BBOX1: variants seen among roughly 807,000 people sequenced by gnomAD.
The protein encoded by BBOX1 is gamma-butyrobetaine dioxygenase.
Under a neutral mutation model 41.6 loss-of-function variants are expected in BBOX1, and 35 were observed. That is an observed-to-expected ratio of 0.84 (90% CI 0.64 to 1.11). The LOEUF (loss-of-function observed/expected upper bound fraction) is 1.11, where lower values mean the gene tolerates loss of function less well. Among genes scored for constraint, BBOX1 ranks in the 50% most tolerant of loss-of-function variants. The probability of loss-of-function intolerance (pLI) is 0.00; values close to 1 mark genes in which losing one functional copy is unlikely to be tolerated. For missense variants in BBOX1, 458 were observed against 460.6 expected, an observed-to-expected ratio of 0.99 and a Z score of 0.05; for synonymous variants, 163 against 154.7, an observed-to-expected ratio of 1.05 and a Z score of -0.40.
In BBOX1 at chr11:27,119,680, T is replaced by A; in HGVS notation, c.671T>A (p.Val224Asp). 1 of 1,557,248 alleles carries A rather than the reference T, an allele frequency of 6.4e-7. No individual in the cohort carries two copies. ...CTTCTTCACTGCATAAAGCAAACAG[T>A]CACAGGGGGTGATTCAGAAATTGTA... is the stretch of plus-strand genomic sequence containing the variant. Reference protein sequence around the residue: ...VQLLHCIKQTVTGGDSEIVDG... With the variant: ...VQLLHCIKQTDTGGDSEIVDG... The change falls in exon 7 of 9, where the codon GTC becomes GAC. Residue 224 changes from valine to aspartate, a missense_variant. Physicochemically the swap from Val to Asp is radical, Grantham distance 152. Coordinates refer to ENST00000263182, the MANE Select transcript of BBOX1 (RefSeq NM_003986.3).
chr11:27,075,325 T>G (rs1232195836), intron 4 of BBOX1, among the ~76,000 whole-genome samples: 1 of 152,158 alleles, frequency 6.6e-6, no homozygotes, highest in Non-Finnish European at 1.5e-5. Flanking sequence ...TCACTGTCTC[T>G]TATGAGGTTG....
At chr11:27,063,144 G>A (rs994471421) in intron 4 of BBOX1, 1 of 152,160 alleles carries the variant, frequency 6.6e-6, no homozygotes, top group African/African-American at 2.4e-5. Context: ...TATATGACCT[G>A]TAGGACAGCA....
At chr11:27,070,701 G>A (rs1294571308) in intron 4 of BBOX1, among the ~76,000 whole-genome samples, 2 of 104,074 alleles carry the variant, frequency 1.9e-5, no homozygotes, top group Non-Finnish European at 3.7e-5. Context: ...TTTGGTTTGT[G>A]ATTGATTTTT....
At chr11:27,117,551 C>G (rs949964654) in intron 6 of BBOX1, among the ~76,000 whole-genome samples, 1 of 151,908 alleles carries the variant, frequency 6.6e-6, no homozygotes, top group Non-Finnish European at 1.5e-5. Flanking sequence ...CAGCTCAGCT[C>G]TTCTTCCAAA....
chr11:27,079,058 A>C (rs1857739334), intron 4 of BBOX1, among the ~76,000 whole-genome samples: 1 of 152,170 alleles, frequency 6.6e-6, no homozygotes, highest in South Asian at 2.1e-4. Flanking sequence ...ACATTTGCGA[A>C]AAAGACAGGA....
chr11:27,102,217 T>C (rs1322083009), intron 5 of BBOX1, among the ~76,000 whole-genome samples: 2 of 152,060 alleles, frequency 1.3e-5, no homozygotes, highest in Non-Finnish European at 2.9e-5. Flanking sequence ...GATAATACTC[T>C]AAACCAGGAA....
At chr11:27,110,000 T>C (rs1020681580) in intron 5 of BBOX1, among the ~76,000 whole-genome samples, 11 of 152,052 alleles carry the variant, frequency 7.2e-5, no homozygotes, top group Non-Finnish European at 1.5e-4. Flanking sequence ...AATAAATTTT[T>C]ATATAGTGAA....
chr11:27,101,543 C>G (rs11029837), intron 5 of BBOX1, among the ~76,000 whole-genome samples: 24,006 of 151,854 alleles, frequency 0.16, 2,226 homozygotes, highest in Middle Eastern at 0.24. Flanking sequence ...TATAATGAAG[C>G]CTTTGGGGCT....
intron 4 of BBOX1, among the ~76,000 whole-genome samples, chr11:27,082,573 A>C (rs1250820920): frequency 1.3e-5 from 2 of 152,168 alleles, no homozygotes; most frequent in Non-Finnish European, 2.9e-5. Flanking sequence ...ATTGTGTGGG[A>C]ATCCTAAATC....
intron 4 of BBOX1, among the ~76,000 whole-genome samples, chr11:27,067,253 G>A (rs1299564429): frequency 6.6e-6 from 1 of 151,944 alleles, no homozygotes; most frequent in African/African-American, 2.4e-5. Flanking sequence ...ATAGCTTTTG[G>A]AGAGTGTTTT....
At chr11:27,051,218 A>G (rs1207825488) in intron 2 of BBOX1, among the ~76,000 whole-genome samples, 1 of 151,944 alleles carries the variant, frequency 6.6e-6, no homozygotes, top group African/African-American at 2.4e-5. Context: ...TTAATGTGCT[A>G]TTGAATTCAT....
At chr11:27,047,062 G>T (rs969139690) in intron 2 of BBOX1, 3 of 152,136 alleles carry the variant, frequency 2.0e-5, no homozygotes, top group Non-Finnish European at 4.4e-5. Context: ...GAAAGGGATT[G>T]TGAAGAGAAG....
At chr11:27,095,382 T>C (rs547556271) in intron 5 of BBOX1, among the ~76,000 whole-genome samples, 2 of 152,064 alleles carry the variant, frequency 1.3e-5, no homozygotes, top group South Asian at 4.1e-4. Flanking sequence ...ACGTGTGTTG[T>C]TTTGTTTTTG....
intron 2 of BBOX1, chr11:27,047,118 T>C (rs988655425): frequency 2.0e-5 from 3 of 152,194 alleles, no homozygotes; most frequent in African/African-American, 7.2e-5. Flanking sequence ...TAATTTAACA[T>C]CAGCAACACC....
intron 4 of BBOX1, among the ~76,000 whole-genome samples, chr11:27,077,686 A>C (rs1439752469): frequency 2.6e-5 from 4 of 151,518 alleles, no homozygotes; most frequent in Non-Finnish European, 5.9e-5. Flanking sequence ...TTCTTGAAAA[A>C]TGTAGAATAT....
chr11:27,117,428 C>A (rs779216914), intron 6 of BBOX1, among the ~76,000 whole-genome samples: 15 of 151,830 alleles, frequency 9.9e-5, no homozygotes, highest in Non-Finnish European at 1.9e-4. Context: ...AGTAAAATGA[C>A]CCCTGTAGAC....
intron 4 of BBOX1, among the ~76,000 whole-genome samples, chr11:27,087,075 A>C (rs182405768): frequency 6.6e-6 from 1 of 152,238 alleles, no homozygotes; most frequent in East Asian, 1.9e-4. Context: ...TTGAGATGGA[A>C]TCTACTCCTG....
intron 4 of BBOX1, among the ~76,000 whole-genome samples, chr11:27,092,576 C>T (rs1046250440): frequency 3.3e-5 from 5 of 151,940 alleles, no homozygotes; most frequent in Admixed American, 2.6e-4. Context: ...ATCTGTGTGG[C>T]GCTCCCACTA....
intron 4 of BBOX1, among the ~76,000 whole-genome samples, chr11:27,063,282 G>A (rs1857184852): frequency 6.6e-6 from 1 of 151,998 alleles, no homozygotes; most frequent in Admixed American, 6.5e-5. Flanking sequence ...AGGTTTTTAT[G>A]TACTAATTAT....
Sources: gnomAD v4.1 joint callset for allele counts (sites outside exome capture counted in the v4.1 genomes callset) on GRCh38, gnomAD v4.1.1 for gene constraint, MANE v1.5 for transcripts, NCBI Gene and HGNC (gene_info 2026-07-23, HGNC 2026-07-21) for gene names.